Variants in UPP2 observed in about 807,000 individuals in gnomAD.
UPP2 encodes the protein uridine phosphorylase 2, also known as UPase 2.
A neutral mutation model predicts 26.7 loss-of-function variants in UPP2; 23 were observed. The ratio of observed to expected loss-of-function variants is 0.86; its 90% CI spans 0.62 to 1.22. The LOEUF is 1.22. Ranked by LOEUF, UPP2 falls within the 50% of genes most tolerant of loss-of-function variation. The pLI is 0.00. For synonymous variants in UPP2, 127 were observed against 141.3 expected (o/e 0.90, Z 0.72); for missense variants, 387 against 396.7 (o/e 0.98, Z 0.21).
chr2:158,113,127 A>G (rs1475747937), intron 2 of UPP2, among the ~76,000 whole-genome samples: 1 of 152,202 alleles, frequency 6.6e-6, no homozygotes, highest in Non-Finnish European at 1.5e-5. Context: ...CTGTCTGTGC[A>G]TATGATCTTT....
At position 158,093,271 on chromosome 2, in the gene UPP2, T is replaced by TACACACACACACACAC. The variant is rs57028617; in HGVS notation, c.148-8749_148-8734dup. On this transcript the variant is annotated intron_variant, in intron 3 of 9. Coordinates refer to the UPP2 transcript ENST00000605860. Reference sequence around the variant, plus strand: ...TGTAGGAAGGCGGTAAAAAGAAACATACACACACACACACACACACACACA... The same window carrying TACACACACACACACAC: ...TGTAGGAAGGCGGTAAAAAGAAACATACACACACACACACACACACACACACACACACACACACACA... Among the ~76,000 whole-genome samples, 194 of 137,502 alleles carry TACACACACACACACAC rather than the reference T, an allele frequency of 1.4e-3. 1 individual carries two copies. The highest frequency in any genetic ancestry group is 8.0e-3 in the South Asian group (34 of 4,252). The allele number at this position is 137,502 out of a possible 152,430, so 90.2% of individuals were successfully genotyped here. A position where few individuals can be genotyped will look rare whatever the true frequency, so the allele number is the denominator to read the frequency against.
chr2:158,016,937 T>C (rs1190359116), intron 3 of UPP2, among the ~76,000 whole-genome samples: 1 of 152,218 alleles, frequency 6.6e-6, no homozygotes, highest in Non-Finnish European at 1.5e-5. Context: ...GGGCCATCTA[T>C]GCTTTTTAGC....
At chr2:158,124,613 G>A (rs182702743) in intron 6 of UPP2, among the ~76,000 whole-genome samples, 5 of 152,340 alleles carry the variant, frequency 3.3e-5, no homozygotes, top group East Asian at 1.9e-4. Context: ...GGAGAAGAAC[G>A]AGAAGGCGAA....
intron 3 of UPP2, among the ~76,000 whole-genome samples, chr2:158,091,371 G>T (rs1277030721): frequency 6.6e-6 from 1 of 152,100 alleles, no homozygotes; most frequent in Admixed American, 6.5e-5. Context: ...CAACCTGAAA[G>T]AAATTATAAA....
chr2:158,042,997 T>G (rs369420618), intron 3 of UPP2, among the ~76,000 whole-genome samples: 6 of 152,204 alleles, frequency 3.9e-5, no homozygotes, highest in Admixed American at 3.9e-4. Context: ...TCTCAAACCC[T>G]CATTTCACCA....
At chr2:158,084,703 C>T (rs746227179) in intron 3 of UPP2, among the ~76,000 whole-genome samples, 1 of 152,022 alleles carries the variant, frequency 6.6e-6, no homozygotes, top group Non-Finnish European at 1.5e-5. Flanking sequence ...GTTTCATTCT[C>T]CTACATGTGG....
rs201070868 is a variant in UPP2, at chr2:158,081,953, A to ATT, written c.148-20074_148-20073dup. On this transcript the variant is annotated intron_variant, in intron 3 of 9. Transcript: ENST00000605860. Reference sequence around the variant, plus strand: ...CAGGTGGTGTTTGGTTACATGAATAATTTTTTTTTTTTTTGAGACAGTCTC... The same window carrying ATT: ...CAGGTGGTGTTTGGTTACATGAATAATTTTTTTTTTTTTTTTGAGACAGTCTC... Among the ~76,000 whole-genome samples the ATT allele has an allele frequency of 4.1e-3, 598 of 144,970 alleles. 4 individuals are homozygous for ATT. Among genetic ancestry groups the ATT allele is most frequent in the African/African-American group, 0.014 (552 of 39,708 alleles).
chr2:158,001,768 C>T (rs915299143), intron 2 of UPP2, among the ~76,000 whole-genome samples: 1 of 151,970 alleles, frequency 6.6e-6, no homozygotes, highest in African/African-American at 2.4e-5. Context: ...TTTCTATAAC[C>T]TGAAGTTGGG....
chr2:158,013,192 C>T (rs1683607718), intron 2 of UPP2, among the ~76,000 whole-genome samples: 1 of 152,030 alleles, frequency 6.6e-6, no homozygotes, highest in Non-Finnish European at 1.5e-5. Flanking sequence ...GATGGAGTCT[C>T]ACTATGTTGC....
chr2:158,087,588 C>A (rs1402791684), intron 3 of UPP2, among the ~76,000 whole-genome samples: 1 of 151,972 alleles, frequency 6.6e-6, no homozygotes, highest in African/African-American at 2.4e-5. Flanking sequence ...TTATATAGAT[C>A]CTGTGAGATT....
chr2:158,039,002 T>C (rs904331669), intron 3 of UPP2, among the ~76,000 whole-genome samples: 147 of 152,288 alleles, frequency 9.7e-4, no homozygotes, highest in African/African-American at 3.5e-3. Context: ...CTTTGGCTGG[T>C]TGCACTGAGA....
intron 2 of UPP2, among the ~76,000 whole-genome samples, chr2:157,998,316 A>G (rs6742818): frequency 0.67 from 101,604 of 151,954 alleles, 34,503 homozygotes; most frequent in East Asian, 0.98. Flanking sequence ...TCCACCAGAA[A>G]CCTCGAAGAC....
chr2:158,022,035 GTT>G (rs577280511), intron 3 of UPP2, among the ~76,000 whole-genome samples: 3 of 142,002 alleles, frequency 2.1e-5, no homozygotes, highest in African/African-American at 7.6e-5. Flanking sequence ...AAAGTCAGCA[GTT>G]TTTTTTTTTT....
At chr2:158,059,209 C>T (rs950408176) in intron 3 of UPP2, among the ~76,000 whole-genome samples, 2 of 152,168 alleles carry the variant, frequency 1.3e-5, no homozygotes, top group Non-Finnish European at 2.9e-5. Context: ...TCAAGAAGTC[C>T]AAGCATGATG....
intron 3 of UPP2, among the ~76,000 whole-genome samples, chr2:158,117,097 C>G (rs1683447916): frequency 6.6e-6 from 1 of 151,988 alleles, no homozygotes; most frequent in Non-Finnish European, 1.5e-5. Context: ...GAAATCAGTT[C>G]CAGTTTCTGC....
In UPP2 at chr2:158,015,782, C is replaced by T. The variant is rs1424316679; in HGVS notation, c.62-19C>T. ...ACCCCTTTGCTCTCTGTCTCTCTCT[C>T]CTGCTCCACCATGGTAAGATGTGCC... is the stretch of plus-strand genomic sequence containing the variant. On this transcript the variant is annotated intron_variant, in intron 2 of 9. Transcript: ENST00000605860. 1.1e-5 allele frequency: 5 copies of T among 453,438 alleles called. No homozygotes were observed. In the East Asian group the frequency reaches 2.8e-4, roughly 25 times the overall value. The allele number at this position is 453,438 out of a possible 1,614,324, so 28.1% of individuals were successfully genotyped here.
chr2:158,054,163 G>C (rs925200067), intron 3 of UPP2, among the ~76,000 whole-genome samples: 6 of 152,108 alleles, frequency 3.9e-5, no homozygotes, highest in Non-Finnish European at 8.8e-5. Flanking sequence ...TTCAGCTACT[G>C]AGGCATGAGA....
chr2:158,105,687 G>A (rs1683177987), intron 1 of UPP2, among the ~76,000 whole-genome samples: 2 of 152,228 alleles, frequency 1.3e-5, no homozygotes, highest in South Asian at 4.1e-4. Flanking sequence ...CCAGAGCCCA[G>A]TAGTTTATAT....
intron 6 of UPP2, among the ~76,000 whole-genome samples, chr2:158,125,028 G>T (rs952332374): frequency 6.6e-6 from 1 of 152,188 alleles, no homozygotes; most frequent in African/African-American, 2.4e-5. Flanking sequence ...GATGACAAGA[G>T]GTCCTTGCTT....
Sources: allele counts gnomAD v4.1 joint callset (sites outside exome capture counted in the v4.1 genomes callset), GRCh38; gene constraint gnomAD v4.1.1; transcripts MANE v1.5; gene names NCBI Gene and HGNC (gene_info 2026-07-23, HGNC 2026-07-21).